TRIM67: variants seen among roughly 807,000 people sequenced by gnomAD.
The protein encoded by TRIM67 is tripartite motif containing 67.
TRIM67 carries 39 observed loss-of-function variants against 71.0 expected under a neutral mutation model. The ratio of observed to expected loss-of-function variants is 0.55; its 90% CI spans 0.43 to 0.72. The LOEUF (loss-of-function observed/expected upper bound fraction) is 0.72, where lower values mean the gene tolerates loss of function less well. Among genes scored for constraint, TRIM67 ranks in the 30% least tolerant of loss-of-function variants. The pLI, the probability that TRIM67 is intolerant of heterozygous loss-of-function variation, is 0.00. For synonymous variants in TRIM67, 481 were observed against 473.9 expected (o/e 1.01, Z -0.19); for missense variants, 973 against 1,079.2 (o/e 0.90, Z 1.38).
At chr1:231,198,977 C>T (rs1416017811) in intron 2 of TRIM67, 70 bp from the exon 3 acceptor site, 1 of 1,608,362 alleles carries the variant, frequency 6.2e-7, no homozygotes, top group Non-Finnish European at 8.5e-7. Context: ...GTCTATAGCA[C>T]TCACCAGATT....
chr1:231,162,894 T>A lies in TRIM67; in HGVS notation c.-76T>A. 1.9e-6 allele frequency: 3 copies of A among 1,543,002 alleles called. No individual in the cohort carries two copies. Among genetic ancestry groups the A allele is most frequent in the Non-Finnish European group, 2.6e-6 (3 of 1,149,966 alleles). ...GTCGTCTCACCGGGGCGCACCGCGC[T>A]GGTCCTCCTCCGCCAGTCTCCCGAG... On this transcript the variant is annotated 5_prime_UTR_variant, in exon 1 of 10. Transcript: ENST00000366653.
At chr1:231,198,132 G>T (rs776173403) in intron 2 of TRIM67, among the ~76,000 whole-genome samples, 1 of 152,132 alleles carries the variant, frequency 6.6e-6, no homozygotes, top group African/African-American at 2.4e-5. Context: ...TTTTGTGGCC[G>T]AATATGCCCA....
At chr1:231,186,055 T>C in intron 1 of TRIM67, 1 of 1,527,466 alleles carries the variant, frequency 6.5e-7, no homozygotes, top group East Asian at 2.4e-5. Context: ...GAAGGGGATG[T>C]TCCCCGTGAG....
At chr1:231,204,276 C>T (rs574197818) in intron 6 of TRIM67, among the ~76,000 whole-genome samples, 2 of 152,310 alleles carry the variant, frequency 1.3e-5, no homozygotes, top group South Asian at 2.1e-4. Context: ...CGTTTACCCC[C>T]AGCCCCTCAC....
intron 1 of TRIM67, among the ~76,000 whole-genome samples, chr1:231,196,213 T>G (rs147245981): frequency 1.6e-4 from 24 of 152,238 alleles, no homozygotes; most frequent in African/African-American, 4.8e-4. Context: ...AGCAGAGACC[T>G]GGGAGGGGAC....
intron 7 of TRIM67, among the ~76,000 whole-genome samples, chr1:231,208,009 C>CT (rs796809572): frequency 0.063 from 8,296 of 132,052 alleles, 408 homozygotes; most frequent in African/African-American, 0.12. Flanking sequence ...TCCTCCTGTA[C>CT]TTTTTTTTTT....
intron 8 of TRIM67, among the ~76,000 whole-genome samples, chr1:231,210,871 C>G (rs1256450287): frequency 6.6e-6 from 1 of 150,638 alleles, no homozygotes; most frequent in African/African-American, 2.4e-5. Context: ...GAGACCCTGT[C>G]TCTGTAAATA....
intron 8 of TRIM67, among the ~76,000 whole-genome samples, chr1:231,212,318 A>T (rs928485804): frequency 2.6e-5 from 4 of 152,224 alleles, no homozygotes; most frequent in African/African-American, 9.7e-5. Context: ...GTTATCTCTT[A>T]GAGAAAAATC....
At chr1:231,168,196 T>C (rs1682530443) in intron 1 of TRIM67, among the ~76,000 whole-genome samples, 1 of 150,754 alleles carries the variant, frequency 6.6e-6, no homozygotes. Flanking sequence ...ATTGAACTCC[T>C]GGCCTCAAGC....
chr1:231,209,061 C>A lies in TRIM67; in HGVS notation c.1934C>A (p.Ala645Glu). 6.2e-7 allele frequency: 1 copy of A among 1,613,906 alleles called. No individual in the cohort carries two copies. Among genetic ancestry groups the A allele is most frequent in the Non-Finnish European group, 8.5e-7 (1 of 1,179,824 alleles). The change falls in exon 8 of 10, where the codon GCG becomes GAG. Residue 645 changes from alanine to glutamate, a missense_variant. Coordinates refer to ENST00000366653, the MANE Select transcript of TRIM67 (RefSeq NM_001004342.5). This position sits in a 1 kb window ranked among gnomAD's most constrained non-coding sequence, Gnocchi z 4.1. ...YDDRVVLGTAAFSKGVHYWEL... is the reference protein window; with the variant it reads ...YDDRVVLGTAEFSKGVHYWEL... ...GACCGGGTGGTGCTGGGCACAGCTGCGTTCTCCAAGGGCGTGCACTACTGG... is the reference window on the plus strand; with the variant it reads ...GACCGGGTGGTGCTGGGCACAGCTGAGTTCTCCAAGGGCGTGCACTACTGG...
At chr1:231,172,105 C>A (rs1382554949) in intron 1 of TRIM67, among the ~76,000 whole-genome samples, 1 of 152,068 alleles carries the variant, frequency 6.6e-6, no homozygotes, top group African/African-American at 2.4e-5. Flanking sequence ...AACAAACCAA[C>A]AAACCAACAA....
chr1:231,200,615 G>A (rs1245557570), intron 4 of TRIM67, among the ~76,000 whole-genome samples: 1 of 152,138 alleles, frequency 6.6e-6, no homozygotes, highest in Non-Finnish European at 1.5e-5. Context: ...GCAGAGTCCT[G>A]CAGGCCTGGC....
intron 1 of TRIM67, among the ~76,000 whole-genome samples, chr1:231,183,653 T>A (rs1682972085): frequency 6.6e-6 from 1 of 152,124 alleles, no homozygotes; most frequent in Admixed American, 6.5e-5. Flanking sequence ...GCTTTTTTCT[T>A]GAGCACTCAC....
At chr1:231,191,072 AT>A (rs1683217624) in intron 1 of TRIM67, among the ~76,000 whole-genome samples, 2 of 151,944 alleles carry the variant, frequency 1.3e-5, no homozygotes, top group Admixed American at 6.6e-5. Flanking sequence ...ATTCATCATC[AT>A]TTTTTTAAGA....
At chr1:231,197,606 A>C in intron 2 of TRIM67, 140 bp downstream of exon 2, 2 of 656,618 alleles carry the variant, frequency 3.0e-6, no homozygotes, top group Non-Finnish European at 5.2e-6. Context: ...CGGGCAGATC[A>C]CCTGAGATTG....
intron 1 of TRIM67, chr1:231,185,012 G>A (rs780784820): frequency 7.2e-6 from 11 of 1,532,736 alleles, no homozygotes; most frequent in Admixed American, 2.0e-5. Flanking sequence ...GGTTGGGGAG[G>A]GTCAGCTTAT....
At chr1:231,187,553 T>TC (rs773220804) in intron 1 of TRIM67, 1 of 1,532,126 alleles carries the variant, frequency 6.5e-7, no homozygotes, top group Non-Finnish European at 8.7e-7. Context: ...GTGAGAGAAA[T>TC]CCCCTGTGGT....
At chr1:231,191,049 G>T (rs1192584263) in intron 1 of TRIM67, among the ~76,000 whole-genome samples, 3 of 152,176 alleles carry the variant, frequency 2.0e-5, no homozygotes, top group African/African-American at 4.8e-5. Flanking sequence ...TGGACGCTAG[G>T]GAAGTTATAT....
In TRIM67 at chr1:231,219,870, G is replaced by A. The variant is rs1486590925; in HGVS notation, c.*4430G>A. On this transcript the variant is annotated 3_prime_UTR_variant, in exon 10 of 10. Transcript: ENST00000366653. ...CCTGCAGCTTTAACCTAATATCTAGGCTGTAAAAATATGAGGGCAGGTTTC... is the reference window on the plus strand; with the variant it reads ...CCTGCAGCTTTAACCTAATATCTAGACTGTAAAAATATGAGGGCAGGTTTC... 7.8e-7 allele frequency: 1 copy of A among 1,289,672 alleles called. No homozygotes were observed. The highest frequency in any genetic ancestry group is 1.5e-5 in the African/African-American group (1 of 65,816). The allele number at this position is 1,289,672 out of a possible 1,614,324, so 79.9% of individuals were successfully genotyped here.
Sources: allele counts gnomAD v4.1 joint callset (sites outside exome capture counted in the v4.1 genomes callset), GRCh38; gene constraint gnomAD v4.1.1; non-coding constraint Gnocchi (gnomAD v3.1); transcripts MANE v1.5; gene names NCBI Gene and HGNC (gene_info 2026-07-23, HGNC 2026-07-21).